The following SLC27A2 variants were observed in gnomAD, a reference collection of about 807,000 sequenced individuals.
The protein encoded by SLC27A2 is long-chain fatty acid transport protein 2.
Under a neutral mutation model 60.0 loss-of-function variants are expected in SLC27A2, and 54 were observed. The observed-to-expected ratio is 0.90, with a 90% CI of 0.72 to 1.13. The LOEUF is 1.13. SLC27A2 is among the 50% of genes most tolerant of loss of function. The pLI is 0.00. For synonymous variants in SLC27A2, 297 were observed against 297.6 expected (o/e 1.00, Z 0.02); for missense variants, 739 against 777.6 (o/e 0.95, Z 0.59).
At chr15:50,229,485 C>G (rs762064331) in intron 8 of SLC27A2, among the ~76,000 whole-genome samples, 4 of 152,222 alleles carry the variant, frequency 2.6e-5, no homozygotes, top group Admixed American at 6.5e-5. Flanking sequence ...GTTCACCACA[C>G]TAAGTTTCAG....
At chr15:50,217,892 A>G (rs999414291) in intron 4 of SLC27A2, among the ~76,000 whole-genome samples, 4 of 151,772 alleles carry the variant, frequency 2.6e-5, no homozygotes, top group Non-Finnish European at 5.9e-5. Flanking sequence ...CATCTCTACT[A>G]AAAATACAAA....
chr15:50,215,082 G>C (rs2045185178), intron 4 of SLC27A2, among the ~76,000 whole-genome samples: 1 of 152,054 alleles, frequency 6.6e-6, no homozygotes, highest in Non-Finnish European at 1.5e-5. Context: ...GACTCCTCTA[G>C]AAAGTTCCTA....
At chr15:50,190,270 G>A (rs1595680059) in intron 1 of SLC27A2, among the ~76,000 whole-genome samples, 1 of 152,182 alleles carries the variant, frequency 6.6e-6, no homozygotes, top group South Asian at 2.1e-4. Flanking sequence ...TTGCATTTCA[G>A]TTGCTTTTCT....
chr15:50,204,039 A>G (rs79411840), intron 3 of SLC27A2, among the ~76,000 whole-genome samples: 8,463 of 152,242 alleles, frequency 0.056, 440 homozygotes, highest in African/African-American at 0.14. Flanking sequence ...ACACACACAC[A>G]CAATCCAAAA....
At chr15:50,199,827 C>A (rs1423307032) in intron 2 of SLC27A2, among the ~76,000 whole-genome samples, 6 of 152,164 alleles carry the variant, frequency 3.9e-5, no homozygotes, top group Non-Finnish European at 5.9e-5. Context: ...ACTTGGGAGA[C>A]TGAGGTGGGA....
chr15:50,190,218 T>C (rs1469880750), intron 1 of SLC27A2, among the ~76,000 whole-genome samples: 1 of 152,234 alleles, frequency 6.6e-6, no homozygotes, highest in Admixed American at 6.5e-5. Flanking sequence ...TAGGAACTAT[T>C]TTTAGGTTGT....
At chr15:50,184,671 G>T (rs1255495687) in intron 1 of SLC27A2, among the ~76,000 whole-genome samples, 1 of 149,998 alleles carries the variant, frequency 6.7e-6, no homozygotes, top group South Asian at 2.1e-4. Context: ...ACCCCGTCTC[G>T]ACTAAAAAAA....
At chr15:50,227,317 A>G in intron 7 of SLC27A2, 139 bp downstream of exon 7, 2 of 669,888 alleles carry the variant, frequency 3.0e-6, no homozygotes, top group Non-Finnish European at 2.6e-6. Context: ...CTGTGTTCCC[A>G]GAGAATGAGG....
chr15:50,219,512 G>C (rs971593022), intron 4 of SLC27A2, among the ~76,000 whole-genome samples: 2 of 148,738 alleles, frequency 1.3e-5, no homozygotes, highest in African/African-American at 5.0e-5. Context: ...GCCCTCTCAA[G>C]TGCAGGGCTT....
chr15:50,216,456 G>T (rs1048973252), intron 4 of SLC27A2, among the ~76,000 whole-genome samples: 2 of 151,406 alleles, frequency 1.3e-5, no homozygotes, highest in African/African-American at 4.8e-5. Context: ...CCACTTACTG[G>T]GTATCTACCC....
chr15:50,184,711 C>T (rs2044905762), intron 1 of SLC27A2, among the ~76,000 whole-genome samples: 1 of 151,858 alleles, frequency 6.6e-6, no homozygotes. Flanking sequence ...GTGGCGCGTG[C>T]CTGTAATCCC....
At chr15:50,209,319 A>G (rs538791866) in intron 4 of SLC27A2, among the ~76,000 whole-genome samples, 11 of 152,240 alleles carry the variant, frequency 7.2e-5, no homozygotes, top group Non-Finnish European at 1.6e-4. Context: ...CACAGAGTGG[A>G]GAGTGGCCAA....
rs2045016979 is a variant in SLC27A2, at chr15:50,196,072, AAAAAAATATATATATATATATATATATAT to A, written c.479-1426_479-1398del. ...CTGTCTCAAAAAAAAAAAAAAAAAA[AAAAAAATATATATATATATATATATATAT>A]ATATATATATATATATATATATATG... On this transcript the variant is annotated intron_variant, in intron 1 of 9. Transcript: ENST00000267842. Among the ~76,000 whole-genome samples the A allele has an allele frequency of 2.8e-4, 5 of 18,114 alleles. 1 individual carries two copies. The highest frequency in any genetic ancestry group is 9.7e-4 in the African/African-American group (5 of 5,138). 11.9% of individuals were successfully genotyped at this position (18,114 alleles called of 152,430 possible). A position where few individuals can be genotyped will look rare whatever the true frequency, so the allele number is the denominator to read the frequency against.
chr15:50,201,629 C>T (rs1464478608), intron 2 of SLC27A2, among the ~76,000 whole-genome samples: 1 of 151,648 alleles, frequency 6.6e-6, no homozygotes, highest in South Asian at 2.1e-4. Flanking sequence ...TATCTCGGCT[C>T]ACTGCAACCT....
At chr15:50,192,978 A>G (rs554566334) in intron 1 of SLC27A2, among the ~76,000 whole-genome samples, 2 of 152,116 alleles carry the variant, frequency 1.3e-5, no homozygotes, top group Admixed American at 6.5e-5. Flanking sequence ...ACTGCTGCCT[A>G]CACAGTGTAG....
intron 8 of SLC27A2, among the ~76,000 whole-genome samples, chr15:50,231,317 T>C (rs1432682511): frequency 6.6e-6 from 1 of 151,966 alleles, no homozygotes; most frequent in Non-Finnish European, 1.5e-5. Context: ...CCGGCTAATT[T>C]TGTATTTTTA....
Position 50,197,695 on chromosome 15 carries a change from C to T in SLC27A2, c.674C>T (p.Thr225Ile). ...TCCACTCCTGCCTTATACATTTATA[C>T]TTCTGGAACCACAGGTAAAAATAAA... ...TFSTPALYIY[T>I]SGTTGLPKAA... Residue 225 changes from threonine (T) to isoleucine (I), a missense_variant, in exon 2 of 10, where the codon ACT becomes ATT. Thr to Ile is a moderately conservative substitution (Grantham distance 89). Transcript: ENST00000267842. 1 of 1,611,216 alleles carries T rather than the reference C, an allele frequency of 6.2e-7. No individual in the cohort carries two copies. Among genetic ancestry groups the T allele is most frequent in the Non-Finnish European group, 8.5e-7 (1 of 1,177,546 alleles).
At chr15:50,186,340 C>A (rs2044922314) in intron 1 of SLC27A2, among the ~76,000 whole-genome samples, 1 of 152,142 alleles carries the variant, frequency 6.6e-6, no homozygotes, top group African/African-American at 2.4e-5. Context: ...TAAGAAACCC[C>A]ACCGCCAACC....
At chr15:50,234,650 G>A (rs1037020397) in intron 9 of SLC27A2, among the ~76,000 whole-genome samples, 6 of 151,196 alleles carry the variant, frequency 4.0e-5, no homozygotes, top group Admixed American at 6.6e-5. Context: ...TCTCATCTAC[G>A]TGGGAGGCTG....
Sources: gnomAD v4.1 joint callset for allele counts (sites outside exome capture counted in the v4.1 genomes callset) on GRCh38, gnomAD v4.1.1 for gene constraint, MANE v1.5 for transcripts, NCBI Gene and HGNC (gene_info 2026-07-23, HGNC 2026-07-21) for gene names.